CCNH: variants seen among roughly 807,000 people sequenced by gnomAD.
CCNH encodes the protein cyclin-H.
Under a neutral mutation model 41.9 loss-of-function variants are expected in CCNH, and 31 were observed. The ratio of observed to expected loss-of-function variants is 0.74; its 90% CI spans 0.56 to 1.00. The LOEUF is 1.00. Among genes scored for constraint, CCNH ranks in the 50% least tolerant of loss-of-function variants. The pLI, the probability that CCNH is intolerant of heterozygous loss-of-function variation, is 0.00. For synonymous variants in CCNH, 138 were observed against 136.1 expected, an observed-to-expected ratio of 1.01 and a Z score of -0.10; for missense variants, 362 against 388.4, an observed-to-expected ratio of 0.93 and a Z score of 0.57.
intron 9 of CCNH, among the ~76,000 whole-genome samples, chr5:87,319,374 G>A (rs926208325): frequency 1.3e-5 from 2 of 152,252 alleles, no homozygotes; most frequent in Non-Finnish European, 2.9e-5. Flanking sequence ...TCTCCATGAG[G>A]ACTCTGGCCC....
intron 9 of CCNH, among the ~76,000 whole-genome samples, chr5:87,367,298 T>C (rs1317507708): frequency 6.6e-6 from 1 of 152,220 alleles, no homozygotes; most frequent in Admixed American, 6.5e-5. Context: ...GGGGAAATTA[T>C]AAATGAATGT....
At chr5:87,353,883 T>C (rs1185502632) in intron 9 of CCNH, among the ~76,000 whole-genome samples, 2 of 152,118 alleles carry the variant, frequency 1.3e-5, no homozygotes, top group Non-Finnish European at 2.9e-5. Flanking sequence ...TCTTCCTCAT[T>C]GCACTTTCTG....
At chr5:87,362,667 A>G in intron 9 of CCNH, 1 of 1,606,016 alleles carries the variant, frequency 6.2e-7, no homozygotes, top group South Asian at 1.1e-5. Flanking sequence ...ATCTTCTGAA[A>G]AAGGGTAAGT....
chr5:87,390,783 A>G, downstream of CCNH: 3 of 1,597,940 alleles, frequency 1.9e-6, no homozygotes, highest in Non-Finnish European at 2.6e-6. Flanking sequence ...TTTTCATACC[A>G]TTTTTCCTCT....
chr5:87,398,459 C>G (rs980776495), intron 7 of CCNH, among the ~76,000 whole-genome samples: 66 of 152,276 alleles, frequency 4.3e-4, no homozygotes, highest in African/African-American at 1.6e-3. Context: ...TAACAAAATG[C>G]ATCCCACAGG....
At chr5:87,355,825 C>G (rs1759609041) in intron 9 of CCNH, among the ~76,000 whole-genome samples, 1 of 152,172 alleles carries the variant, frequency 6.6e-6, no homozygotes. Flanking sequence ...TTGGAAGAAG[C>G]TGATTCCAAC....
At chr5:87,316,664 A>G (rs1262068379), downstream of CCNH, among the ~76,000 whole-genome samples, 1 of 152,174 alleles carries the variant, frequency 6.6e-6, no homozygotes, top group Non-Finnish European at 1.5e-5. Flanking sequence ...TCTGTTTTTA[A>G]TACCCTGTGC....
At chr5:87,394,167 G>C (rs994402564), downstream of CCNH, 9 of 837,280 alleles carry the variant, frequency 1.1e-5, no homozygotes, top group Non-Finnish European at 1.4e-5. Context: ...AAAAAGCATA[G>C]GTTTGCCTAT....
At chr5:87,387,422 T>G (rs564569306), downstream of CCNH, among the ~76,000 whole-genome samples, 9 of 152,306 alleles carry the variant, frequency 5.9e-5, no homozygotes, top group South Asian at 1.9e-3. Context: ...ATTACAAAAT[T>G]ACGAATGAGG....
downstream of CCNH, among the ~76,000 whole-genome samples, chr5:87,373,581 G>C (rs1417217311): frequency 6.6e-6 from 1 of 152,134 alleles, no homozygotes; most frequent in African/African-American, 2.4e-5. Context: ...GGCCACACAA[G>C]TAGTATATGG....
Position 87,376,401 on chromosome 5 carries a change from C to T in CCNH, n.780G>A, listed in dbSNP as rs370631681. ...TTGTTTTTCTTCCCAAGTATTTATG[C>T]GCTGCCAGTTGAGCCGATTACAGAA... On this transcript the variant is annotated non_coding_transcript_exon_variant, in exon 1 of 1. Transcript: ENST00000607486. 77 of 1,613,656 alleles carry T rather than the reference C, an allele frequency of 4.8e-5. No homozygotes were observed. Among genetic ancestry groups the T allele is most frequent in the Admixed American group, 8.3e-5 (5 of 59,968 alleles).
At chr5:87,395,775 A>G (rs1019801339) in intron 7 of CCNH, among the ~76,000 whole-genome samples, 5 of 152,170 alleles carry the variant, frequency 3.3e-5, no homozygotes, top group African/African-American at 1.2e-4. Flanking sequence ...AGGCTCAGGT[A>G]GGAAGATCAC....
intron 9 of CCNH, chr5:87,341,163 C>A: frequency 1.9e-6 from 1 of 533,084 alleles, no homozygotes; most frequent in Non-Finnish European, 2.9e-6. Context: ...ACAGAAACAT[C>A]TTTTTTTATA....
chr5:87,397,422 A>ACTG, intron 7 of CCNH, among the ~76,000 whole-genome samples: 1 of 152,042 alleles, frequency 6.6e-6, no homozygotes, highest in Non-Finnish European at 1.5e-5. Flanking sequence ...AGCCTCCCAA[A>ACTG]CTGCTGAGAT....
intron 9 of CCNH, among the ~76,000 whole-genome samples, chr5:87,382,275 C>G (rs1353559978): frequency 6.6e-6 from 1 of 152,108 alleles, no homozygotes; most frequent in African/African-American, 2.4e-5. Context: ...TCTATAAATG[C>G]TGTTTGAGAA....
At chr5:87,407,909 T>G in intron 4 of CCNH, 67 bp downstream of exon 4, 1 of 1,213,424 alleles carries the variant, frequency 8.2e-7, no homozygotes, top group Non-Finnish European at 1.2e-6. Context: ...GTTTTAAAAT[T>G]TTGGATTCTT....
At chr5:87,410,876 T>G (rs368935122) in intron 2 of CCNH, among the ~76,000 whole-genome samples, 3 of 152,322 alleles carry the variant, frequency 2.0e-5, no homozygotes, top group African/African-American at 4.8e-5. Flanking sequence ...TTTCAAACAT[T>G]TATTGGGTGT....
At chr5:87,377,391 C>T (rs758850102), upstream of CCNH, among the ~76,000 whole-genome samples, 3 of 152,124 alleles carry the variant, frequency 2.0e-5, no homozygotes, top group Non-Finnish European at 2.9e-5. Context: ...AGTGCAGTGG[C>T]GCAGTCTCGG....
intron 9 of CCNH, among the ~76,000 whole-genome samples, chr5:87,361,810 A>C (rs1213691719): frequency 6.6e-6 from 1 of 152,196 alleles, no homozygotes; most frequent in Admixed American, 6.5e-5. Context: ...ACATTAAGAA[A>C]GAACCTAATA....
Sources: gnomAD v4.1 joint callset for allele counts (sites outside exome capture counted in the v4.1 genomes callset) on GRCh38, gnomAD v4.1.1 for gene constraint, MANE v1.5 for transcripts, NCBI Gene and HGNC (gene_info 2026-07-23, HGNC 2026-07-21) for gene names.